P3H2: variants seen among roughly 807,000 people sequenced by gnomAD.
The protein encoded by P3H2 is prolyl 3-hydroxylase 2.
In P3H2, 80 loss-of-function variants were observed where a neutral mutation model predicts 87.0. The observed-to-expected ratio is 0.92, with a 90% confidence interval of 0.77 to 1.11. P3H2 has a LOEUF of 1.11. Among genes scored for constraint, P3H2 ranks in the 50% least tolerant of loss-of-function variants. The pLI, the probability that P3H2 is intolerant of heterozygous loss-of-function variation, is 0.00. For synonymous variants in P3H2, 367 were observed against 359.3 expected (o/e 1.02, Z -0.24); for missense variants, 1,001 against 923.9 (o/e 1.08, Z -1.08).
intron 12 of P3H2, 24 bp from the exon 13 acceptor site, chr3:189,970,915 T>C (rs752450171): frequency 4.8e-5 from 62 of 1,279,468 alleles, no homozygotes; most frequent in Non-Finnish European, 6.5e-5. Flanking sequence ...GAGAAAACTA[T>C]TTGTATTATT....
chr3:189,970,638 C>T (rs1343639304), intron 13 of P3H2, among the ~76,000 whole-genome samples, 178 bp downstream of exon 13: 1 of 152,048 alleles, frequency 6.6e-6, no homozygotes, highest in Non-Finnish European at 1.5e-5. Context: ...TTACAACGTA[C>T]TAGATTTTTA....
chr3:190,013,159 T>G (rs929349821), intron 1 of P3H2, among the ~76,000 whole-genome samples: 1 of 152,306 alleles, frequency 6.6e-6, no homozygotes, highest in Admixed American at 6.5e-5. Context: ...TATATTGATA[T>G]GAATATAATA....
rs1727426674 is a variant in P3H2, at chr3:190,092,126, G to C, written c.480+28126C>G. ...TGGACACCTGTAGTCCCAGCTACTT[G>C]AGAGGCTGAGGTAGGAGAATGGCTT... is the stretch of plus-strand genomic sequence containing the variant. On this transcript the variant is annotated intron_variant, in intron 1 of 14. Coordinates refer to ENST00000319332, the MANE Select transcript of P3H2 (RefSeq NM_018192.4). Among the ~76,000 whole-genome samples, 3 of 152,054 alleles carry C rather than the reference G, an allele frequency of 2.0e-5. No homozygotes were observed. In the South Asian group the frequency reaches 6.2e-4, roughly 32 times the overall value.
At chr3:190,066,143 G>GTATATATATA (rs60898721) in intron 1 of P3H2, among the ~76,000 whole-genome samples, 2 of 138,766 alleles carry the variant, frequency 1.4e-5, no homozygotes, top group African/African-American at 5.7e-5. Flanking sequence ...ACTGTGGTGT[G>GTATATATATA]TATATATATA....
In P3H2 at chr3:190,117,645, G is replaced by GA. The variant is rs1375091022; in HGVS notation, c.480+2606_480+2607insT. 1.2e-3 allele frequency among the ~76,000 whole-genome samples: 145 copies of GA among 125,784 alleles called. 1 individual carries two copies. Among genetic ancestry groups the GA allele is most frequent in the Non-Finnish European group, 2.0e-3 (117 of 59,428 alleles). 82.5% of individuals were successfully genotyped at this position (125,784 alleles called of 152,430 possible). A position where few individuals can be genotyped will look rare whatever the true frequency, so the allele number is the denominator to read the frequency against. ...AGGATGTTCTTTTATTATTTGAGAG[G>GA]TTTTTTTTTTTTTTTTCAGTCTCAA... is the stretch of plus-strand genomic sequence containing the variant. On this transcript the variant is annotated intron_variant, in intron 1 of 14. Coordinates refer to ENST00000319332, the MANE Select transcript of P3H2 (RefSeq NM_018192.4).
chr3:190,122,225 A>C (rs562246903), upstream of P3H2: 3 of 151,668 alleles, frequency 2.0e-5, no homozygotes, highest in African/African-American at 7.3e-5. Context: ...AGCAATCTGC[A>C]TCAATCTAGG....
rs543042384 is a variant in P3H2 at position 190,106,479 on chromosome 3, T to C, written c.480+13773A>G. Among the ~76,000 whole-genome samples the C allele has an allele frequency of 4.6e-5, 7 of 152,308 alleles. No individual in the cohort carries two copies. In the South Asian group the frequency reaches 1.4e-3, roughly 32 times the overall value. ...TACCATGATATATTTGCCTAAATAT[T>C]CTTTTGCCCTTTATATTCCCTTAGA... is the stretch of plus-strand genomic sequence containing the variant. On this transcript the variant is annotated intron_variant, in intron 1 of 14. Coordinates refer to ENST00000319332, the MANE Select transcript of P3H2 (RefSeq NM_018192.4).
At chr3:190,004,010 TAACATCTCAAG>T (rs1724300661) in intron 1 of P3H2, among the ~76,000 whole-genome samples, 1 of 152,208 alleles carries the variant, frequency 6.6e-6, no homozygotes, top group Non-Finnish European at 1.5e-5. Flanking sequence ...GTCATTACTT[TAACATCTCAAG>T]AATCTAGTTC....
At chr3:190,082,312 C>T (rs1465864279) in intron 1 of P3H2, among the ~76,000 whole-genome samples, 2 of 152,070 alleles carry the variant, frequency 1.3e-5, no homozygotes, top group Admixed American at 6.6e-5. Flanking sequence ...TAGCTTGAGG[C>T]GAACCTGGAT....
intron 1 of P3H2, among the ~76,000 whole-genome samples, chr3:190,012,210 GTGT>G (rs1560361781): frequency 1.0e-3 from 17 of 17,002 alleles, no homozygotes; most frequent in Non-Finnish European, 1.9e-3. Context: ...AGGTAAAGGT[GTGT>G]GTGTGTGTGT....
chr3:189,980,639 G>C (rs907798722), intron 8 of P3H2, among the ~76,000 whole-genome samples: 7 of 152,128 alleles, frequency 4.6e-5, no homozygotes, highest in Admixed American at 4.6e-4. Context: ...TCTTAATTTA[G>C]ATCCTAATTA....
chr3:190,024,412 G>A (rs1299147642), intron 1 of P3H2, among the ~76,000 whole-genome samples: 1 of 151,026 alleles, frequency 6.6e-6, no homozygotes, highest in South Asian at 2.1e-4. Flanking sequence ...GCGCGGTGGC[G>A]CATGCCTGTA....
chr3:190,006,058 T>C (rs1369733097), intron 1 of P3H2, among the ~76,000 whole-genome samples: 1 of 152,188 alleles, frequency 6.6e-6, no homozygotes, highest in African/African-American at 2.4e-5. Context: ...AACTCAAACA[T>C]TTTCTTTGTA....
intron 14 of P3H2, among the ~76,000 whole-genome samples, chr3:189,961,388 T>C (rs978529784): frequency 1.3e-5 from 2 of 152,200 alleles, no homozygotes; most frequent in Non-Finnish European, 2.9e-5. Context: ...TCGAACATCC[T>C]TGCATCCTTA....
intron 1 of P3H2, among the ~76,000 whole-genome samples, chr3:190,044,944 A>G (rs2108957114): frequency 6.6e-6 from 1 of 152,312 alleles, no homozygotes; most frequent in Non-Finnish European, 1.5e-5. Context: ...AAAAATTGAA[A>G]TTGGATGGTA....
intron 1 of P3H2, among the ~76,000 whole-genome samples, chr3:190,017,690 A>T (rs1021857470): frequency 3.9e-5 from 6 of 152,192 alleles, no homozygotes; most frequent in Non-Finnish European, 2.9e-5. Context: ...CTGATGCTGC[A>T]GCCCTTGTTA....
In P3H2 at chr3:189,994,036, A is replaced by G; in HGVS notation, c.823+58T>C. On this transcript the variant is annotated intron_variant, in intron 3 of 14. Coordinates refer to ENST00000319332, the MANE Select transcript of P3H2 (RefSeq NM_018192.4). ...ATTTTGCTGGAATAGTTTTTTACAA[A>G]TTGCAAGTAGTATTTTTATAATCAA... The G allele has an allele frequency of 4.5e-6, 6 of 1,333,206 alleles. No individual in the cohort carries two copies. The South Asian group carries it at 7.2e-5, about 16-fold the overall frequency. The allele number at this position is 1,333,206 out of a possible 1,614,324, so 82.6% of individuals were successfully genotyped here.
chr3:190,102,476 G>A (rs1272211344), intron 1 of P3H2, among the ~76,000 whole-genome samples: 1 of 152,212 alleles, frequency 6.6e-6, no homozygotes, highest in African/African-American at 2.4e-5. Flanking sequence ...TTTCAGTGGA[G>A]AAAGTAACTG....
intron 2 of P3H2, 85 bp downstream of exon 2, chr3:189,995,205 T>G: frequency 1.6e-6 from 2 of 1,260,808 alleles, no homozygotes; most frequent in Non-Finnish European, 2.3e-6. Context: ...TATGAGATAT[T>G]CATTCATAGA....
Sources: allele counts gnomAD v4.1 joint callset (sites outside exome capture counted in the v4.1 genomes callset), GRCh38; gene constraint gnomAD v4.1.1; transcripts MANE v1.5; gene names NCBI Gene and HGNC (gene_info 2026-07-23, HGNC 2026-07-21).